The following INSR variants were observed in gnomAD, a reference collection of about 807,000 sequenced individuals.
INSR encodes the protein insulin receptor.
INSR carries 67 observed loss-of-function variants against 142.6 expected under a neutral mutation model. The observed-to-expected ratio is 0.47, with a 90% CI of 0.39 to 0.58. INSR has a LOEUF of 0.58. Ranked by LOEUF, INSR falls within the 20% of genes least tolerant of loss-of-function variation. INSR has a pLI of 0.00. For synonymous variants in INSR, 756 were observed against 743.1 expected, an observed-to-expected ratio of 1.02 and a Z score of -0.28; for missense variants, 1,248 against 1,833.2, an observed-to-expected ratio of 0.68 and a Z score of 5.83.
At position 7,132,170 on chromosome 19, in the gene INSR, C is replaced by T. The variant is rs753371466; in HGVS notation, c.2830G>A (p.Val944Met). The T allele has an allele frequency of 1.1e-5, 17 of 1,614,004 alleles. No individual in the cohort carries two copies. The highest frequency in any genetic ancestry group is 2.7e-5 in the African/African-American group (2 of 74,944). ...GSWTEPTYFY[V>M]TDYLDVPSNI... is the part of the protein sequence containing the mutation. ...CATGGAGACTTACAATAGTCTGTCA[C>T]GTAGAAATAGGTGGGTTCCGTCCAA... The change falls in exon 14 of 22, where the codon GTG (valine) becomes ATG (methionine). Residue 944 changes from valine to methionine, a missense_variant. Val to Met is a conservative substitution (Grantham distance 21, BLOSUM62 1). Coordinates refer to ENST00000302850, the MANE Select transcript of INSR (RefSeq NM_000208.4).
At chr19:7,263,490 A>G (rs761276965) in intron 2 of INSR, among the ~76,000 whole-genome samples, 11 of 152,178 alleles carry the variant, frequency 7.2e-5, no homozygotes, top group Non-Finnish European at 1.6e-4. Context: ...TACCCCGGGA[A>G]GTGTTAGTCG....
chr19:7,249,669 G>A (rs1197430704), intron 2 of INSR, among the ~76,000 whole-genome samples: 1 of 151,952 alleles, frequency 6.6e-6, no homozygotes, highest in East Asian at 1.9e-4. Flanking sequence ...GCAATATAGT[G>A]AGACTCCATC....
rs530855677 is a variant in INSR, at chr19:7,266,531, G to A, written c.652+814C>T. ...CTCCCAAGTAGCTGGGACTACAGGC[G>A]TGCACCGCCACGCCCGGCTAATTTT... On this transcript the variant is annotated intron_variant, in intron 2 of 21. Coordinates refer to ENST00000302850, the MANE Select transcript of INSR (RefSeq NM_000208.4). Among the ~76,000 whole-genome samples, 75 of 152,054 alleles carry A rather than the reference G, an allele frequency of 4.9e-4. 1 individual carries two copies. Among genetic ancestry groups the A allele is most frequent in the African/African-American group, 1.7e-3 (70 of 41,492 alleles).
chr19:7,235,061 A>AAATAATAAT (rs35762925), intron 2 of INSR, among the ~76,000 whole-genome samples: 3 of 150,454 alleles, frequency 2.0e-5, no homozygotes, highest in Middle Eastern at 3.4e-3. Flanking sequence ...CCGTCTCAAA[A>AAATAATAAT]AATAATAATA....
At chr19:7,156,680 C>T (rs973153330) in intron 9 of INSR, among the ~76,000 whole-genome samples, 2 of 150,986 alleles carry the variant, frequency 1.3e-5, no homozygotes, top group South Asian at 4.2e-4. Context: ...ACTTTTCAAA[C>T]ATGCATAGAA....
chr19:7,228,128 C>A (rs575745464), intron 2 of INSR, among the ~76,000 whole-genome samples: 116 of 152,232 alleles, frequency 7.6e-4, no homozygotes, highest in African/African-American at 2.6e-3. Flanking sequence ...TGAAACGCAC[C>A]CTAACTTTAG....
intron 1 of INSR, among the ~76,000 whole-genome samples, chr19:7,280,187 C>A (rs2145235102): frequency 6.6e-6 from 1 of 152,064 alleles, no homozygotes; most frequent in South Asian, 2.1e-4. Flanking sequence ...TGGCGTGAAC[C>A]CGGGAGGCGG....
At chr19:7,182,134 C>T (rs2894553) in intron 3 of INSR, among the ~76,000 whole-genome samples, 12,398 of 151,540 alleles carry the variant, frequency 0.082, 592 homozygotes, top group South Asian at 0.23. Flanking sequence ...GAGTTCAAGA[C>T]CAGCCTGGCC....
At chr19:7,152,679 C>G in intron 10 of INSR, 47 bp downstream of exon 10, 1 of 1,510,988 alleles carries the variant, frequency 6.6e-7, no homozygotes, top group Non-Finnish European at 9.2e-7. Context: ...TCCACCAACA[C>G]CAAGCCAATT....
rs906124945 is a variant in INSR at position 7,225,517 on chromosome 19, C to G, written c.653-40880G>C. 6.6e-6 allele frequency among the ~76,000 whole-genome samples: 1 copy of G among 152,120 alleles called. No individual in the cohort carries two copies. The highest frequency in any genetic ancestry group is 2.4e-5 in the African/African-American group (1 of 41,432). On this transcript the variant is annotated intron_variant, in intron 2 of 21. Transcript: ENST00000302850. This position sits in a 1 kb window ranked among gnomAD's most constrained non-coding sequence, Gnocchi z 4.7. ...GACCTTTCTGTTTTCTTCCCTGTGG[C>G]TATGTCCTGACTCCCCAGCCCAGCA...
At chr19:7,207,917 G>GAAGGAAGGAAGGAAGGAAGGA (rs1975151241) in intron 2 of INSR, among the ~76,000 whole-genome samples, 1 of 118,112 alleles carries the variant, frequency 8.5e-6, no homozygotes, top group Non-Finnish European at 1.8e-5. Context: ...AGGAAGGAAG[G>GAAGGAAGGAAGGAAGGAAGGA]AAGGAAGGAA....
Position 7,231,218 on chromosome 19 carries a change from C to T in INSR, c.652+36127G>A, listed in dbSNP as rs140038168. ...GCAAAGAGGGGGGAAGAATTAATTT[C>T]GGATCCTGAATTTGCATCTGCAAAT... On this transcript the variant is annotated intron_variant, in intron 2 of 21. Transcript: ENST00000302850. Among the ~76,000 whole-genome samples the T allele has an allele frequency of 1.0e-3, 154 of 152,056 alleles. 1 individual carries two copies. Among genetic ancestry groups the T allele is most frequent in the African/African-American group, 3.2e-3 (134 of 41,440 alleles).
Position 7,161,104 on chromosome 19 carries a change from T to C in INSR, c.2029+1928A>G, listed in dbSNP as rs147004287. On this transcript the variant is annotated intron_variant, in intron 9 of 21. Transcript: ENST00000302850. Reference sequence around the variant, plus strand: ...ATTTTCCTTCAGATGGATGGAGGTCTATTAAGTAAACAAGATTAAGAAAAA... The same window carrying C: ...ATTTTCCTTCAGATGGATGGAGGTCCATTAAGTAAACAAGATTAAGAAAAA... Among the ~76,000 whole-genome samples, 165 of 149,746 alleles carry C rather than the reference T, an allele frequency of 1.1e-3. No homozygotes were observed. The East Asian group carries it at 0.017, about 15-fold the overall frequency.
intron 1 of INSR, among the ~76,000 whole-genome samples, chr19:7,291,658 G>T (rs1968496812): frequency 6.6e-6 from 1 of 152,054 alleles, no homozygotes. Context: ...GCAAAGAAAT[G>T]GTAAATCCAT....
intron 2 of INSR, among the ~76,000 whole-genome samples, chr19:7,224,538 G>A (rs1048071727): frequency 1.3e-5 from 2 of 152,262 alleles, no homozygotes; most frequent in Admixed American, 6.5e-5. Flanking sequence ...AAGCCCAGGC[G>A]ACTTGCCGAC....
chr19:7,234,990 G>A (rs546646634), intron 2 of INSR, among the ~76,000 whole-genome samples: 17 of 152,004 alleles, frequency 1.1e-4, no homozygotes, highest in African/African-American at 2.7e-4. Flanking sequence ...CCCGGGAGGC[G>A]GAGCTTGCAG....
In INSR at chr19:7,116,393, A is replaced by C. The variant is rs765032523; in HGVS notation, c.*663T>G. ...CGCATGGATACTTTGCACACACATC[A>C]GCCGTGTCTAATGGACACACACACG... On this transcript the variant is annotated 3_prime_UTR_variant, in exon 22 of 22. Transcript: ENST00000302850. 1.1e-4 allele frequency: 16 copies of C among 152,200 alleles called. No homozygotes were observed. The highest frequency in any genetic ancestry group is 1.0e-3 in the Admixed American group (16 of 15,242). The allele number at this position is 152,200 out of a possible 1,614,324, so 9.4% of individuals were successfully genotyped here.
At position 7,230,005 on chromosome 19, in the gene INSR, C is replaced by T. The variant is rs753171684; in HGVS notation, c.652+37340G>A. ...TGGGGTCTTGCTGTGTTGTCCAGGCCGGCCTCAAACTCCTGGCTTCAAGGA... is the reference window on the plus strand; with the variant it reads ...TGGGGTCTTGCTGTGTTGTCCAGGCTGGCCTCAAACTCCTGGCTTCAAGGA... On this transcript the variant is annotated intron_variant, in intron 2 of 21. Transcript: ENST00000302850. 9.2e-5 allele frequency among the ~76,000 whole-genome samples: 14 copies of T among 151,864 alleles called. No homozygotes were observed. In the East Asian group the frequency reaches 1.5e-3, roughly 17 times the overall value.
chr19:7,199,117 G>A (rs977017615), intron 2 of INSR, among the ~76,000 whole-genome samples: 1 of 152,102 alleles, frequency 6.6e-6, no homozygotes, highest in Non-Finnish European at 1.5e-5. Context: ...CTGGCCTCAA[G>A]TGATCCTCTT....
Sources: allele counts gnomAD v4.1 joint callset (sites outside exome capture counted in the v4.1 genomes callset), GRCh38; gene constraint gnomAD v4.1.1; non-coding constraint Gnocchi (gnomAD v3.1); transcripts MANE v1.5; gene names NCBI Gene and HGNC (gene_info 2026-07-23, HGNC 2026-07-21).